The following CCDC92 variants were observed in gnomAD, a reference collection of about 807,000 sequenced individuals.
CCDC92 encodes coiled-coil domain-containing protein 92.
A neutral mutation model predicts 24.9 loss-of-function variants in CCDC92; 12 were observed. The observed-to-expected ratio is 0.48, with a 90% CI of 0.31 to 0.78. The LOEUF (loss-of-function observed/expected upper bound fraction) is 0.78, where lower values mean the gene tolerates loss of function less well. CCDC92 is among the 30% of genes least tolerant of loss of function. CCDC92 has a pLI of 0.05. For missense variants in CCDC92, 399 were observed against 439.4 expected, an observed-to-expected ratio of 0.91 and a Z score of 0.82; for synonymous variants, 193 against 196.3, an observed-to-expected ratio of 0.98 and a Z score of 0.14.
chr12:123,943,343 G>A lies in CCDC92; in HGVS notation c.181+4C>T. On this transcript the variant is annotated splice_donor_region_variant and intron_variant, in intron 3 of 4. Transcript: ENST00000238156. ...CGCCTGCCCGGGCCTGCTCCCCGAT[G>A]TACCTGTGCAGTGCTGCTGCAGCCG... The A allele has an allele frequency of 4.3e-6, 7 of 1,612,348 alleles. No individual in the cohort carries two copies. Among genetic ancestry groups the A allele is most frequent in the Non-Finnish European group, 5.9e-6 (7 of 1,179,966 alleles).
intron 1 of CCDC92, among the ~76,000 whole-genome samples, chr12:123,956,716 G>A (rs1956157640): frequency 6.6e-6 from 1 of 152,188 alleles, no homozygotes; most frequent in African/African-American, 2.4e-5. Context: ...AGGCAAATAG[G>A]TGTTACTTTA....
chr12:123,959,888 T>TA (rs1470457401), intron 1 of CCDC92, among the ~76,000 whole-genome samples: 1 of 152,354 alleles, frequency 6.6e-6, no homozygotes, highest in East Asian at 1.9e-4. Context: ...GCTATGTGTT[T>TA]ACTATCATTG....
intron 1 of CCDC92, among the ~76,000 whole-genome samples, chr12:123,966,798 T>G (rs1325822356): frequency 1.3e-5 from 2 of 152,212 alleles, no homozygotes; most frequent in Non-Finnish European, 2.9e-5. Context: ...AACCACAGCC[T>G]GCTAATGAGT....
chr12:123,936,907 G>A lies in CCDC92; in HGVS notation c.*151C>T, dbSNP rs1955514065. Reference sequence around the variant, plus strand: ...GGCAGGGACACGATCATATTTTGGTGTGAAGAAGAGGGCAAGAGAAGCAGA... The same window carrying A: ...GGCAGGGACACGATCATATTTTGGTATGAAGAAGAGGGCAAGAGAAGCAGA... On this transcript the variant is annotated 3_prime_UTR_variant, in exon 5 of 5. Transcript: ENST00000238156. 7.4e-6 allele frequency: 6 copies of A among 813,944 alleles called. No individual in the cohort carries two copies. Among genetic ancestry groups the A allele is most frequent in the Admixed American group, 2.6e-5 (1 of 37,762 alleles). The allele number at this position is 813,944 out of a possible 1,614,324, so 50.4% of individuals were successfully genotyped here. A position where few individuals can be genotyped will look rare whatever the true frequency, so the allele number is the denominator to read the frequency against.
intron 1 of CCDC92, among the ~76,000 whole-genome samples, chr12:123,964,679 C>T (rs568620890): frequency 6.6e-6 from 1 of 152,286 alleles, no homozygotes; most frequent in South Asian, 2.1e-4. Flanking sequence ...CTACCTACCA[C>T]CATGATTTCA....
At chr12:123,941,096 G>C (rs984903872) in intron 4 of CCDC92, among the ~76,000 whole-genome samples, 5 of 152,232 alleles carry the variant, frequency 3.3e-5, no homozygotes, top group African/African-American at 4.8e-5. Context: ...AAACTATGCT[G>C]CTTCAGATTA....
In CCDC92 at chr12:123,936,884, C is replaced by T; in HGVS notation, c.*174G>A. On this transcript the variant is annotated 3_prime_UTR_variant, in exon 5 of 5. Coordinates refer to ENST00000238156, the MANE Select transcript of CCDC92 (RefSeq NM_025140.3). ...CAATTAGGAAATACATATTCTGCGG[C>T]AGGGACACGATCATATTTTGGTGTG... The T allele has an allele frequency of 1.4e-6, 1 of 695,350 alleles. No homozygotes were observed. Among genetic ancestry groups the T allele is most frequent in the Non-Finnish European group, 2.4e-6 (1 of 421,324 alleles). The allele number at this position is 695,350 out of a possible 1,614,324, so 43.1% of individuals were successfully genotyped here.
intron 1 of CCDC92, among the ~76,000 whole-genome samples, chr12:123,951,362 A>G (rs1380871952): frequency 6.6e-6 from 1 of 152,208 alleles, no homozygotes; most frequent in Non-Finnish European, 1.5e-5. Context: ...CTTCGGTAGG[A>G]AAGGGTCTCA....
At chr12:123,950,583 C>T (rs535909199) in intron 1 of CCDC92, among the ~76,000 whole-genome samples, 2 of 152,282 alleles carry the variant, frequency 1.3e-5, no homozygotes, top group South Asian at 2.1e-4. Context: ...GTAGCATGTG[C>T]GTCCTGGTCC....
chr12:123,956,939 A>C (rs1956162342), intron 1 of CCDC92, among the ~76,000 whole-genome samples: 1 of 152,240 alleles, frequency 6.6e-6, no homozygotes, highest in Non-Finnish European at 1.5e-5. Context: ...GATTTTTCAG[A>C]GAATGAGAGG....
intron 4 of CCDC92, among the ~76,000 whole-genome samples, chr12:123,941,449 T>A (rs2137898279): frequency 6.6e-6 from 1 of 152,218 alleles, no homozygotes; most frequent in East Asian, 1.9e-4. Flanking sequence ...TGGAAAAAAA[T>A]CAGTGCTCGG....
At chr12:123,941,711 A>G (rs1955690527) in intron 4 of CCDC92, among the ~76,000 whole-genome samples, 3 of 152,214 alleles carry the variant, frequency 2.0e-5, no homozygotes, top group Admixed American at 1.3e-4. Flanking sequence ...GCCCTGGACC[A>G]TAGTGCATGC....
intron 1 of CCDC92, among the ~76,000 whole-genome samples, chr12:123,954,744 A>G (rs1011915948): frequency 1.3e-5 from 2 of 152,222 alleles, no homozygotes; most frequent in Admixed American, 6.5e-5. Context: ...AGATAGGCAA[A>G]TACATGTGCT....
intron 2 of CCDC92, chr12:123,943,906 C>T: frequency 4.4e-6 from 2 of 449,608 alleles, no homozygotes; most frequent in Non-Finnish European, 7.9e-6. Context: ...ATCCTGTCCT[C>T]TCCACGCACC....
intron 1 of CCDC92, among the ~76,000 whole-genome samples, chr12:123,954,555 C>T (rs1360586073): frequency 2.0e-5 from 3 of 152,208 alleles, no homozygotes; most frequent in African/African-American, 7.2e-5. Context: ...AACTGGGTTT[C>T]TCTGCACTCC....
chr12:123,939,567 T>C (rs1012390601), intron 4 of CCDC92, among the ~76,000 whole-genome samples: 1 of 152,248 alleles, frequency 6.6e-6, no homozygotes, highest in East Asian at 1.9e-4. Context: ...GAATGGGTAT[T>C]GCCCCATGCA....
In CCDC92 at chr12:123,935,699, TAA is replaced by T; in HGVS notation, c.*1357_*1358del. ...AAAAGGAATTTATATAATCAAAAAG[TAA>T]ATATTGGAGAGTATTTTAAGATGTG... On this transcript the variant is annotated 3_prime_UTR_variant, in exon 5 of 5. Coordinates refer to ENST00000238156, the MANE Select transcript of CCDC92 (RefSeq NM_025140.3). 1 of 459,726 alleles carries T rather than the reference TAA, an allele frequency of 2.2e-6. No individual in the cohort carries two copies. Among genetic ancestry groups the T allele is most frequent in the Non-Finnish European group, 3.7e-6 (1 of 267,182 alleles). 28.5% of individuals were successfully genotyped at this position (459,726 alleles called of 1,614,324 possible). A position where few individuals can be genotyped will look rare whatever the true frequency, so the allele number is the denominator to read the frequency against.
intron 1 of CCDC92, chr12:123,972,234 G>C (rs1210785188): frequency 6.6e-6 from 1 of 152,104 alleles, no homozygotes; most frequent in African/African-American, 2.4e-5. Flanking sequence ...GACCCCGCGG[G>C]GGCGGGCGCG....
intron 2 of CCDC92, chr12:123,943,798 T>C: frequency 2.0e-6 from 1 of 488,928 alleles, no homozygotes; most frequent in Non-Finnish European, 3.7e-6. Context: ...CCTTTACTCA[T>C]GAGGAAACAG....
Sources: gnomAD v4.1 joint callset for allele counts (sites outside exome capture counted in the v4.1 genomes callset) on GRCh38, gnomAD v4.1.1 for gene constraint, MANE v1.5 for transcripts, NCBI Gene and HGNC (gene_info 2026-07-23, HGNC 2026-07-21) for gene names.